Variants in SNX27 observed in about 807,000 individuals in gnomAD.
SNX27 encodes the protein sorting nexin 27.
Under a neutral mutation model 71.6 loss-of-function variants are expected in SNX27, and 22 were observed. The observed-to-expected ratio is 0.31, with a 90% CI of 0.22 to 0.44. The LOEUF is 0.44. Among genes scored for constraint, SNX27 ranks in the 20% least tolerant of loss-of-function variants. The probability of loss-of-function intolerance (pLI) is 1.00; values close to 1 mark genes in which losing one functional copy is unlikely to be tolerated. For synonymous variants in SNX27, 269 were observed against 277.2 expected, an observed-to-expected ratio of 0.97 and a Z score of 0.29; for missense variants, 531 against 698.6, an observed-to-expected ratio of 0.76 and a Z score of 2.70.
chr1:151,675,083 T>A (rs902098728), intron 7 of SNX27, among the ~76,000 whole-genome samples: 5 of 152,146 alleles, frequency 3.3e-5, no homozygotes, highest in Admixed American at 2.0e-4. Context: ...GATTCTTCGG[T>A]CTTTTGGGAA....
chr1:151,653,484 G>A (rs1341722333), intron 2 of SNX27, among the ~76,000 whole-genome samples: 1 of 152,108 alleles, frequency 6.6e-6, no homozygotes, highest in Non-Finnish European at 1.5e-5. Context: ...CTTGTGCTTA[G>A]AGTGAGGGCT....
chr1:151,612,597 C>A lies in SNX27; in HGVS notation c.311+85C>A. Reference sequence around the variant, plus strand: ...CTCGCTACCCTTGTCACCCCCAGGCCGCACCTCCCCCGAGCTCCGAGCCGG... The same window carrying A: ...CTCGCTACCCTTGTCACCCCCAGGCAGCACCTCCCCCGAGCTCCGAGCCGG... On this transcript the variant is annotated intron_variant, in intron 1 of 11. Transcript: ENST00000458013. The surrounding 1 kb of genome is among the most constrained non-coding windows in gnomAD (Gnocchi z 5.2). The A allele has an allele frequency of 9.4e-7, 1 of 1,066,964 alleles. No individual in the cohort carries two copies. Among genetic ancestry groups the A allele is most frequent in the Non-Finnish European group, 1.2e-6 (1 of 825,482 alleles). The allele number at this position is 1,066,964 out of a possible 1,614,324, so 66.1% of individuals were successfully genotyped here.
At position 151,639,004 on chromosome 1, in the gene SNX27, T is replaced by C; in HGVS notation, c.428T>C (p.Leu143Pro). The C allele has an allele frequency of 6.2e-7, 1 of 1,614,146 alleles. No homozygotes were observed. The highest frequency in any genetic ancestry group is 8.5e-7 in the Non-Finnish European group (1 of 1,180,034). ...GTACCTCCTCATGAGGCAGATAACC[T>C]AGATCCCAGTGACGACTCGTTGGGA... is the stretch of plus-strand genomic sequence containing the variant. ...LSVPPHEADNLDPSDDSLGQS... is the reference protein window; with the variant it reads ...LSVPPHEADNPDPSDDSLGQS... Residue 143 changes from leucine to proline, a missense_variant, in exon 2 of 12, where the codon CTA (leucine) becomes CCA (proline). Coordinates refer to ENST00000458013, the MANE Select transcript of SNX27 (RefSeq NM_001330723.2).
chr1:151,680,987 G>A (rs1670918743), intron 7 of SNX27, among the ~76,000 whole-genome samples: 1 of 152,060 alleles, frequency 6.6e-6, no homozygotes, highest in Admixed American at 6.6e-5. Flanking sequence ...GGAGAGACTG[G>A]CATAATCTTT....
chr1:151,693,922 G>C (rs1671581955), intron 11 of SNX27: 1 of 1,358,944 alleles, frequency 7.4e-7, no homozygotes, highest in African/African-American at 1.5e-5. Flanking sequence ...CTTTACTGCT[G>C]TCTGTATGTG....
rs752761003 is a variant in SNX27 at position 151,692,492 on chromosome 1, G to C, written c.1297G>C (p.Ala433Pro). Residue 433 changes from alanine to proline, a missense_variant, in exon 9 of 12, where the codon GCC becomes CCC. Transcript: ENST00000458013. The part of the protein sequence containing the change: ...GYNEIIFPHC[A>P]CDSRRKGHVI... ...CAATGAAATCATCTTTCCCCACTGT[G>C]CCTGTGACTCCAGGAGGAAGGGGCA... is the stretch of plus-strand genomic sequence containing the variant. The C allele has an allele frequency of 1.3e-6, 2 of 1,537,710 alleles. No homozygotes were observed. Among genetic ancestry groups the C allele is most frequent in the Non-Finnish European group, 8.8e-7 (1 of 1,138,004 alleles).
chr1:151,618,442 C>T (rs1667528100), intron 1 of SNX27, among the ~76,000 whole-genome samples: 1 of 152,110 alleles, frequency 6.6e-6, no homozygotes, highest in Non-Finnish European at 1.5e-5. Flanking sequence ...AATAGCATTA[C>T]CTTCCCCTCA....
At chr1:151,664,122 CAT>C (rs1195510849) in intron 5 of SNX27, among the ~76,000 whole-genome samples, 7 of 146,906 alleles carry the variant, frequency 4.8e-5, no homozygotes, top group South Asian at 2.1e-4. Flanking sequence ...ATATTAATAA[CAT>C]ATGATATGTT....
rs1671904144 is a variant in SNX27 at position 151,698,783 on chromosome 1, C to T, written c.*4366C>T. ...CACTTGGCCGCCTGCTAAACTTGGA[C>T]ATTAATTTTATATCATGACCCCCTT... On this transcript the variant is annotated 3_prime_UTR_variant, in exon 12 of 12. Transcript: ENST00000458013. The T allele has an allele frequency of 6.6e-6, 1 of 152,662 alleles. No individual in the cohort carries two copies. The highest frequency in any genetic ancestry group is 1.5e-5 in the Non-Finnish European group (1 of 68,058). The allele number at this position is 152,662 out of a possible 1,614,324, so 9.5% of individuals were successfully genotyped here.
intron 2 of SNX27, among the ~76,000 whole-genome samples, chr1:151,639,668 A>G (rs1049181604): frequency 6.6e-6 from 1 of 152,164 alleles, no homozygotes; most frequent in Non-Finnish European, 1.5e-5. Flanking sequence ...CCTGAATGCA[A>G]TTCCCATGAG....
At chr1:151,644,513 C>G (rs767995242) in intron 2 of SNX27, among the ~76,000 whole-genome samples, 1 of 152,138 alleles carries the variant, frequency 6.6e-6, no homozygotes, top group Non-Finnish European at 1.5e-5. Context: ...TTTATCCATT[C>G]TTCAATTGAT....
In SNX27 at chr1:151,660,875, C is replaced by T; in HGVS notation, c.801+13C>T. ...AGAATCCGATGAGGTAGGTGAATAT[C>T]TCTTTTAGTGATTATTTTCCTTTTG... On this transcript the variant is annotated intron_variant, in intron 4 of 11. Transcript: ENST00000458013. 6 of 1,593,020 alleles carry T rather than the reference C, an allele frequency of 3.8e-6. No individual in the cohort carries two copies. Among genetic ancestry groups the T allele is most frequent in the Non-Finnish European group, 5.2e-6 (6 of 1,160,954 alleles).
At chr1:151,642,987 G>A (rs1256559224) in intron 2 of SNX27, among the ~76,000 whole-genome samples, 5 of 150,154 alleles carry the variant, frequency 3.3e-5, no homozygotes, top group African/African-American at 1.2e-4. Flanking sequence ...TTTTGAGACG[G>A]AATTTCACTC....
chr1:151,622,649 T>C (rs1667728563), intron 1 of SNX27, among the ~76,000 whole-genome samples: 1 of 152,216 alleles, frequency 6.6e-6, no homozygotes, highest in Non-Finnish European at 1.5e-5. Context: ...GTAGCAGCTC[T>C]CAAACACTGA....
At chr1:151,627,771 G>T (rs546427646) in intron 1 of SNX27, among the ~76,000 whole-genome samples, 94 of 151,940 alleles carry the variant, frequency 6.2e-4, no homozygotes, top group Non-Finnish European at 1.1e-3. Context: ...ATTTTGACAT[G>T]CATTATGTCA....
At chr1:151,630,151 C>T (rs868841905) in intron 1 of SNX27, among the ~76,000 whole-genome samples, 1 of 150,810 alleles carries the variant, frequency 6.6e-6, no homozygotes, top group African/African-American at 2.4e-5. Flanking sequence ...GGGATTATTT[C>T]ATTTATTCTT....
chr1:151,668,419 G>C, intron 6 of SNX27, 53 bp from the exon 7 acceptor site: 1 of 1,524,938 alleles, frequency 6.6e-7, no homozygotes, highest in Non-Finnish European at 8.9e-7. Flanking sequence ...TTATACTAGG[G>C]AAGTTTCTTA....
At chr1:151,662,045 CCG>C in intron 4 of SNX27, 119 bp from the exon 5 acceptor site, 1 of 588,316 alleles carries the variant, frequency 1.7e-6, no homozygotes, top group Non-Finnish European at 3.0e-6. Flanking sequence ...GATTTTTTTC[CCG>C]TTTTCATTGG....
At chr1:151,686,764 C>T (rs1010584840) in intron 8 of SNX27, among the ~76,000 whole-genome samples, 10 of 152,212 alleles carry the variant, frequency 6.6e-5, no homozygotes, top group Admixed American at 2.0e-4. Flanking sequence ...AACAGGCCTA[C>T]GATTAGGCCA....
Sources: gnomAD v4.1 joint callset for allele counts (sites outside exome capture counted in the v4.1 genomes callset) on GRCh38, gnomAD v4.1.1 for gene constraint, Gnocchi (gnomAD v3.1) non-coding constraint, MANE v1.5 for transcripts, NCBI Gene and HGNC (gene_info 2026-07-23, HGNC 2026-07-21) for gene names.